NKAP: variants seen among roughly 807,000 people sequenced by gnomAD.
NKAP encodes the protein NF-kappa-B-activating protein.
In NKAP, 4 loss-of-function variants were observed where a neutral mutation model predicts 35.6. The ratio of observed to expected loss-of-function variants is 0.11; its 90% CI spans 0.06 to 0.26. The LOEUF (loss-of-function observed/expected upper bound fraction) is 0.26, where lower values mean the gene tolerates loss of function less well. Ranked by LOEUF, NKAP falls within the 10% of genes least tolerant of loss-of-function variation. The probability of loss-of-function intolerance (pLI) is 1.00; values close to 1 mark genes in which losing one functional copy is unlikely to be tolerated. For missense variants in NKAP, 238 were observed against 321.9 expected (o/e 0.74, Z 1.99); for synonymous variants, 106 against 119.2 (o/e 0.89, Z 0.72).
chrX:119,932,203 T>G lies in NKAP; in HGVS notation c.751A>C (p.Lys251Gln), dbSNP rs756692062. Residue 251 changes from lysine (K) to glutamine (Q), a missense_variant, in exon 6 of 9, where the codon AAA becomes CAA. By Grantham distance (53) the Lys-to-Gln change is moderately conservative. Around this residue, in one of 5 missense-constraint regions of NKAP, gnomAD observed 89 missense variants for 91.7 expected, o/e 0.97. Transcript: ENST00000371410. ...TTTCTGCTCTTCTTAGACCTCTTTT[T>G]CTTATATTTCTTCCTATAGGGATTT... ...KKKHRSKKYK[K>Q]KRSKKSRKES... 1.8e-5 allele frequency: 21 copies of G among 1,171,562 alleles called. No homozygotes were observed. The Middle Eastern group carries it at 7.0e-4, about 39-fold the overall frequency.
At chrX:119,932,978 G>A (rs1843577512) in intron 5 of NKAP, among the ~76,000 whole-genome samples, 1 of 94,539 alleles carries the variant, frequency 1.1e-5, no homozygotes, top group African/African-American at 5.1e-5. Context: ...GTGAGACACG[G>A]TCTCAAAAAA....
chrX:119,931,297 T>A (rs2056739680), intron 7 of NKAP, among the ~76,000 whole-genome samples: 1 of 111,537 alleles, frequency 9.0e-6, no homozygotes, highest in African/African-American at 3.3e-5. Context: ...AGGTCAGGAA[T>A]TTGAGACCAG....
chrX:119,938,711 A>G lies in NKAP; in HGVS notation c.467+19T>C, dbSNP rs376226663. ...ACACATATTATAACATTTTAAAAAT[A>G]TATTTTTTAACCACTTACTCTGGTT... On this transcript the variant is annotated intron_variant, in intron 2 of 8. Transcript: ENST00000371410. 1.2e-5 allele frequency: 13 copies of G among 1,094,689 alleles called. No individual in the cohort carries two copies. The highest frequency in any genetic ancestry group is 1.6e-5 in the Non-Finnish European group (13 of 807,634). The allele number at this position is 1,094,689 out of a possible 1,213,427, so 90.2% of individuals were successfully genotyped here.
intron 4 of NKAP, 51 bp from the exon 5 acceptor site, chrX:119,934,608 A>G (rs750052070): frequency 4.7e-5 from 42 of 892,156 alleles, no homozygotes; most frequent in Non-Finnish European, 6.5e-5. Flanking sequence ...TAACTCTAAA[A>G]CCGTAGTACT....
rs1199407359 is a variant in NKAP, at chrX:119,943,575, C to A, written c.31G>T (p.Asp11Tyr). 8.4e-7 allele frequency: 1 copy of A among 1,193,092 alleles called. No homozygotes were observed. Among genetic ancestry groups the A allele is most frequent in the South Asian group, 1.8e-5 (1 of 54,313 alleles). Residue 11 changes from aspartate (D) to tyrosine (Y), a missense_variant, in exon 1 of 9, where the codon GAT (aspartate) becomes TAT (tyrosine). This residue lies in a region of NKAP where 123 missense variants were observed against 115.3 expected (regional missense o/e 1.07). Transcript: ENST00000371410. MAPVSGSRSP[D>Y]REASGSGGRR... ...CCCCCCGAGCCCGAGGCCTCCCTAT[C>A]CGGGCTGCGTGAGCCGGACACCGGA...
intron 4 of NKAP, among the ~76,000 whole-genome samples, chrX:119,934,852 G>A (rs956736239): frequency 1.6e-4 from 18 of 111,230 alleles, no homozygotes; most frequent in African/African-American, 5.6e-4. Flanking sequence ...AATATTTAGG[G>A]TGGAAGTGTG....
At position 119,943,448 on chromosome X, in the gene NKAP, C is replaced by T. The variant is rs767518062; in HGVS notation, c.158G>A (p.Arg53Gln). 5.8e-6 allele frequency: 7 copies of T among 1,210,838 alleles called. No homozygotes were observed. Among genetic ancestry groups the T allele is most frequent in the Non-Finnish European group, 6.7e-6 (6 of 894,801 alleles). Reference protein sequence around the residue: ...RSHSCSRSGDRNGLTHQLGGL... With the variant: ...RSHSCSRSGDQNGLTHQLGGL... ...ACCCAGCTGATGGGTGAGTCCATTC[C>T]GGTCCCCGGACCGAGAGCAAGAGTG... The change falls in exon 1 of 9, where the codon CGG becomes CAG. Residue 53 changes from arginine to glutamine, a missense_variant. Arg to Gln is a conservative substitution (Grantham distance 43). Coordinates refer to ENST00000371410, the MANE Select transcript of NKAP (RefSeq NM_024528.4).
At chrX:119,936,154 T>C in intron 4 of NKAP, 143 bp downstream of exon 4, 4 of 562,473 alleles carry the variant, frequency 7.1e-6, no homozygotes, top group East Asian at 3.6e-5. Context: ...AAAGCACTTA[T>C]TGGGGTACCT....
rs2056705759 is a variant in NKAP, at chrX:119,925,340, A to G, written c.1128T>C (p.Ala376=). 8.3e-7 allele frequency: 1 copy of G among 1,210,622 alleles called. No homozygotes were observed. Among genetic ancestry groups the G allele is most frequent in the Non-Finnish European group, 1.1e-6 (1 of 895,294 alleles). The change falls in exon 9 of 9, where the codon GCT becomes GCC. Residue 376 remains alanine (A), a synonymous_variant. Coordinates refer to ENST00000371410, the MANE Select transcript of NKAP (RefSeq NM_024528.4). Reference sequence around the variant, plus strand: ...AGGATGCAAGGGCTCTCTTCTCATCAGCACTGTAGATCTGGTTCTCTTTTC... The same window carrying G: ...AGGATGCAAGGGCTCTCTTCTCATCGGCACTGTAGATCTGGTTCTCTTTTC... ...RLRKENQIYS[A]DEKRALASFN... is the part of the protein sequence containing the mutation.
chrX:119,930,286 G>C, intron 7 of NKAP, 121 bp from the exon 8 acceptor site: 1 of 666,280 alleles, frequency 1.5e-6, no homozygotes, highest in Non-Finnish European at 2.2e-6. Context: ...AGGAATAACA[G>C]TGCTCAGCAG....
chrX:119,940,407 T>C (rs2056787667), intron 1 of NKAP, among the ~76,000 whole-genome samples: 1 of 108,202 alleles, frequency 9.2e-6, no homozygotes, highest in Non-Finnish European at 1.9e-5. Flanking sequence ...TTGTTCCCTC[T>C]CTGTTTTCCT....
In NKAP at chrX:119,934,430, CAAAAAAAAA is replaced by C. The variant is rs369386190; in HGVS notation, c.737+55_737+63del. 347 of 188,854 alleles carry C rather than the reference CAAAAAAAAA, an allele frequency of 1.8e-3. 3 individuals carry two copies. The African/African-American group carries it at 0.043, about 23-fold the overall frequency. The allele number at this position is 188,854 out of a possible 1,213,427, so 15.6% of individuals were successfully genotyped here. ...TGCCTGACAGAGTGAGACTCTGTCT[CAAAAAAAAA>C]AAAAAAAAAAAAAAAAGAAAAGAAA... On this transcript the variant is annotated intron_variant, in intron 5 of 8. Transcript: ENST00000371410.
chrX:119,932,836 G>C (rs1266721068), intron 5 of NKAP: 1 of 110,359 alleles, frequency 9.1e-6, no homozygotes, highest in Admixed American at 9.7e-5. Context: ...AATTAGCCAG[G>C]TGTGGTGGCA....
chrX:119,932,450 T>C, intron 5 of NKAP: 1 of 233,192 alleles, frequency 4.3e-6, no homozygotes, highest in East Asian at 7.7e-5. Context: ...AGACCCCGTC[T>C]CTATTAAAAA....
Position 119,931,966 on chromosome X carries a change from G to A in NKAP, c.893C>T (p.Thr298Ile), listed in dbSNP as rs2056743585. The change falls in exon 7 of 9, where the codon ACA becomes ATA. Residue 298 changes from threonine (T) to isoleucine (I), a missense_variant. Physicochemically the swap from Thr to Ile is moderately conservative, Grantham distance 89 (BLOSUM62 -1). Transcript: ENST00000371410. ...SDLIGPEAPKTLTSQDDKPLN... is the reference protein window; with the variant it reads ...SDLIGPEAPKILTSQDDKPLN... ...AGGTTTATCATCTTGAGAGGTAAGT[G>A]TTTTTGGAGCCTCTGGGCCAATTAA... is the stretch of plus-strand genomic sequence containing the variant. 10 of 1,204,427 alleles carry A rather than the reference G, an allele frequency of 8.3e-6. No homozygotes were observed. Among genetic ancestry groups the A allele is most frequent in the Non-Finnish European group, 1.1e-5 (10 of 890,486 alleles).
chrX:119,939,520 C>T (rs1489599663), intron 1 of NKAP, among the ~76,000 whole-genome samples: 2 of 111,516 alleles, frequency 1.8e-5, no homozygotes, highest in Admixed American at 9.5e-5. Flanking sequence ...CTCCTGACCT[C>T]AGGAGATCCA....
At chrX:119,936,221 C>G (rs185066741) in intron 4 of NKAP, 76 bp downstream of exon 4, 8 of 1,084,119 alleles carry the variant, frequency 7.4e-6, no homozygotes, top group Non-Finnish European at 1.0e-5. Context: ...TTTTCAGGAA[C>G]CTTCTTCTAA....
In NKAP at chrX:119,925,398, G is replaced by C. The variant is rs779785061; in HGVS notation, c.1074-4C>G. 50 of 1,187,204 alleles carry C rather than the reference G, an allele frequency of 4.2e-5. No homozygotes were observed. The highest frequency in any genetic ancestry group is 5.5e-5 in the Non-Finnish European group (49 of 887,972). On this transcript the variant is annotated splice_polypyrimidine_tract_variant and splice_region_variant and intron_variant, in intron 8 of 8. Transcript: ENST00000371410. ...CACAGCCTCCATTCGGCGATGCCTG[G>C]AGAGAATTTTATTTTTGGCTTAATT...
Position 119,924,574 on chromosome X carries a change from T to G in NKAP, c.*646A>C, listed in dbSNP as rs1331414557. The G allele has an allele frequency of 9.1e-6, 1 of 110,356 alleles. No individual in the cohort carries two copies. Among genetic ancestry groups the G allele is most frequent in the Non-Finnish European group, 1.9e-5 (1 of 52,861 alleles). 9.1% of individuals were successfully genotyped at this position (110,356 alleles called of 1,213,427 possible). A position where few individuals can be genotyped will look rare whatever the true frequency, so the allele number is the denominator to read the frequency against. On this transcript the variant is annotated 3_prime_UTR_variant, in exon 9 of 9. Coordinates refer to ENST00000371410, the MANE Select transcript of NKAP (RefSeq NM_024528.4). ...CCCGGCTAATTTTTGTATTTTTTGG[T>G]AGAGACAGGGTTTCACCATGTTGGC... is the stretch of plus-strand genomic sequence containing the variant.
Sources: allele counts gnomAD v4.1 joint callset (sites outside exome capture counted in the v4.1 genomes callset), GRCh38; gene constraint gnomAD v4.1.1; regional missense constraint gnomAD v4.1.1; transcripts MANE v1.5; gene names NCBI Gene and HGNC (gene_info 2026-07-23, HGNC 2026-07-21).